Variants in CAMSAP3 observed in about 807,000 individuals in gnomAD.
CAMSAP3 encodes calmodulin-regulated spectrin-associated protein 3.
In CAMSAP3, 34 loss-of-function variants were observed where a neutral mutation model predicts 112.5. The observed-to-expected ratio is 0.30, with a 90% CI of 0.23 to 0.40. CAMSAP3 has a LOEUF of 0.40. CAMSAP3 is among the 10% of genes least tolerant of loss of function. The pLI, the probability that CAMSAP3 is intolerant of heterozygous loss-of-function variation, is 1.00. For missense variants in CAMSAP3, 1,602 were observed against 1,770.3 expected (o/e 0.90, Z 1.71); for synonymous variants, 868 against 799.8 (o/e 1.09, Z -1.44).
chr19:7,606,156 A>ACACCCCCCC, intron 2 of CAMSAP3, 115 bp from the exon 3 acceptor site: 1 of 224,848 alleles, frequency 4.4e-6, no homozygotes, highest in Non-Finnish European at 8.5e-6. Context: ...CTCAAGCCCC[A>ACACCCCCCC]CCCCCCCCGT....
At position 7,601,760 on chromosome 19, in the gene CAMSAP3, T is replaced by A. The variant is rs1395233364; in HGVS notation, c.149-3466T>A. On this transcript the variant is annotated intron_variant, in intron 1 of 16. Coordinates refer to ENST00000160298, the MANE Select transcript of CAMSAP3 (RefSeq NM_020902.2). Reference sequence around the variant, plus strand: ...AATAAAATAAAATAAAATAAATGAATAAATAAAATAAAAAGAAAGTGGGGC... The same window carrying A: ...AATAAAATAAAATAAAATAAATGAAAAAATAAAATAAAAAGAAAGTGGGGC... Among the ~76,000 whole-genome samples, 585 of 122,900 alleles carry A rather than the reference T, an allele frequency of 4.8e-3. 4 individuals are homozygous for A. The highest frequency in any genetic ancestry group is 0.018 in the African/African-American group (546 of 29,574). 80.6% of individuals were successfully genotyped at this position (122,900 alleles called of 152,430 possible).
chr19:7,596,475 C>A (rs890260509), intron 1 of CAMSAP3, among the ~76,000 whole-genome samples: 11 of 152,168 alleles, frequency 7.2e-5, no homozygotes, highest in African/African-American at 2.6e-4. Flanking sequence ...GTGCGGACCT[C>A]TCGTTCCCGC....
At position 7,617,478 on chromosome 19, in the gene CAMSAP3, C is replaced by A. The variant is rs778639901; in HGVS notation, c.3325+40C>A. ...TGGGTGATGTGAGGAGCAACAGGCA[C>A]CCTCCTCCACAGCCCCTGCTCATTC... On this transcript the variant is annotated intron_variant, in intron 15 of 16. Transcript: ENST00000160298. The surrounding 1 kb of genome is among the most constrained non-coding windows in gnomAD (Gnocchi z 7.5). 6.2e-7 allele frequency: 1 copy of A among 1,604,424 alleles called. No homozygotes were observed. Among genetic ancestry groups the A allele is most frequent in the Admixed American group, 1.7e-5 (1 of 60,002 alleles).
At position 7,595,900 on chromosome 19, in the gene CAMSAP3, C is replaced by CAGCGGCGGT. The variant is rs956833495; in HGVS notation, c.-99_-91dup. ...GCAGCGGCGGCGGCGGCGGCGGCGGCAGCGGCGGTAGCAGCAGCGGGCCCG... is the reference window on the plus strand; with the variant it reads ...GCAGCGGCGGCGGCGGCGGCGGCGGCAGCGGCGGTAGCGGCGGTAGCAGCAGCGGGCCCG... On this transcript the variant is annotated 5_prime_UTR_variant, in exon 1 of 17. Coordinates refer to ENST00000160298, the MANE Select transcript of CAMSAP3 (RefSeq NM_020902.2). The CAGCGGCGGT allele has an allele frequency of 1.4e-4, 70 of 500,980 alleles. No homozygotes were observed. The highest frequency in any genetic ancestry group is 3.2e-4 in the South Asian group (4 of 12,500). The allele number at this position is 500,980 out of a possible 1,614,324, so 31.0% of individuals were successfully genotyped here. A position where few individuals can be genotyped will look rare whatever the true frequency, so the allele number is the denominator to read the frequency against.
rs1379147319 is a variant in CAMSAP3, at chr19:7,611,845, C to T, written c.1352C>T (p.Pro451Leu). The part of the protein sequence containing the change: ...APARTPTQPP[P>L]EPGDLPTIEE... ...GCCAGGACCCCCACCCAGCCACCCCCGGAGCCTGGTGACCTGCCCACCATC... is the reference window on the plus strand; with the variant it reads ...GCCAGGACCCCCACCCAGCCACCCCTGGAGCCTGGTGACCTGCCCACCATC... Residue 451 changes from proline to leucine, a missense_variant, in exon 11 of 17, where the codon CCG becomes CTG. Pro to Leu is a moderately conservative substitution (Grantham distance 98, BLOSUM62 -3). This residue lies in a region of CAMSAP3 where 1,100 missense variants were observed against 1,135.7 expected (regional missense o/e 0.97). Coordinates refer to ENST00000160298, the MANE Select transcript of CAMSAP3 (RefSeq NM_020902.2). This position sits in a 1 kb window ranked among gnomAD's most constrained non-coding sequence, Gnocchi z 6.9. 5 of 1,573,158 alleles carry T rather than the reference C, an allele frequency of 3.2e-6. No homozygotes were observed. Among genetic ancestry groups the T allele is most frequent in the Admixed American group, 1.8e-5 (1 of 55,264 alleles).
Position 7,608,275 on chromosome 19 carries a change from GGATGTGGAACA to G in CAMSAP3, c.760+15_760+25del. On this transcript the variant is annotated intron_variant, in intron 5 of 16. Transcript: ENST00000160298. ...TGCTTCGACTTGAGGGTGAGTAAAT[GGATGTGGAACA>G]GATCTTGTGCCGGGGAGCTGGGCAT... The G allele has an allele frequency of 6.2e-7, 1 of 1,609,746 alleles. No homozygotes were observed. The highest frequency in any genetic ancestry group is 1.1e-5 in the South Asian group (1 of 90,928).
chr19:7,602,455 G>T (rs1210807061), intron 1 of CAMSAP3, among the ~76,000 whole-genome samples: 1 of 152,202 alleles, frequency 6.6e-6, no homozygotes, highest in Non-Finnish European at 1.5e-5. Context: ...GTGTGATTTT[G>T]CTGGTGGGAG....
intron 1 of CAMSAP3, among the ~76,000 whole-genome samples, chr19:7,596,723 C>T (rs1008730656): frequency 2.7e-5 from 4 of 148,122 alleles, no homozygotes; most frequent in African/African-American, 7.5e-5. Context: ...GCTCTGGGAA[C>T]CCCCTTTCGC....
chr19:7,604,637 C>T (rs1056560483), intron 1 of CAMSAP3, among the ~76,000 whole-genome samples: 1 of 151,822 alleles, frequency 6.6e-6, no homozygotes, highest in Non-Finnish European at 1.5e-5. Flanking sequence ...GTGCCCCCCA[C>T]TCATCCCCCC....
chr19:7,616,380 G>T, intron 13 of CAMSAP3, 143 bp from the exon 14 acceptor site: 1 of 629,238 alleles, frequency 1.6e-6, no homozygotes, highest in South Asian at 1.7e-5. Context: ...TCATAGAGGG[G>T]TCCCCCCATA....
chr19:7,613,039 G>A lies in CAMSAP3; in HGVS notation c.2546G>A (p.Gly849Asp), dbSNP rs2030593062. 1.3e-6 allele frequency: 2 copies of A among 1,552,496 alleles called. No individual in the cohort carries two copies. Among genetic ancestry groups the A allele is most frequent in the South Asian group, 1.2e-5 (1 of 84,670 alleles). ...CCGGGCCTCATCGAGATCCCGCTGG[G>A]CAGCCTGGCAGATCCCGCCGCCGAG... Reference protein sequence around the residue: ...ARPGLIEIPLGSLADPAAEDE... With the variant: ...ARPGLIEIPLDSLADPAAEDE... Residue 849 changes from glycine to aspartate, a missense_variant, in exon 11 of 17, where the codon GGC becomes GAC. Coordinates refer to ENST00000160298, the MANE Select transcript of CAMSAP3 (RefSeq NM_020902.2).
chr19:7,606,997 C>A (rs970737192), intron 4 of CAMSAP3, among the ~76,000 whole-genome samples: 1 of 151,656 alleles, frequency 6.6e-6, no homozygotes, highest in Admixed American at 6.6e-5. Context: ...GGTAGAATCT[C>A]GGCCATTAAC....
intron 4 of CAMSAP3, chr19:7,606,826 G>C: frequency 6.2e-7 from 1 of 1,613,536 alleles, no homozygotes; most frequent in South Asian, 1.1e-5. Context: ...GGGGCTGTCT[G>C]TCCGCCCCGT....
At chr19:7,602,899 G>A (rs2030032432) in intron 1 of CAMSAP3, among the ~76,000 whole-genome samples, 1 of 151,366 alleles carries the variant, frequency 6.6e-6, no homozygotes, top group Non-Finnish European at 1.5e-5. Context: ...AGCCATGAGG[G>A]CAGCATCGAG....
chr19:7,615,386 C>T lies in CAMSAP3; in HGVS notation c.2811-32C>T. On this transcript the variant is annotated intron_variant, in intron 12 of 16. Transcript: ENST00000160298. The surrounding 1 kb of genome is among the most constrained non-coding windows in gnomAD (Gnocchi z 6.5). ...TGTCTGCCACCGCGGACCCCGTGAG[C>T]GGTTCTGATGCCGATTCCCTGTGAT... The T allele has an allele frequency of 1.3e-6, 2 of 1,536,290 alleles. No homozygotes were observed. Among genetic ancestry groups the T allele is most frequent in the Non-Finnish European group, 1.8e-6 (2 of 1,141,136 alleles).
chr19:7,612,040 C>T lies in CAMSAP3; in HGVS notation c.1547C>T (p.Ala516Val). ...SKPLSDRPTK[A>V]PVYMPHPETP... ...CCACTGTCCGACAGGCCCACCAAAG[C>T]ACCAGTGTACATGCCACACCCCGAG... is the stretch of plus-strand genomic sequence containing the variant. Residue 516 changes from alanine to valine, a missense_variant, in exon 11 of 17, where the codon GCA becomes GTA. This residue lies in a region of CAMSAP3 where 1,100 missense variants were observed against 1,135.7 expected (regional missense o/e 0.97). Coordinates refer to ENST00000160298, the MANE Select transcript of CAMSAP3 (RefSeq NM_020902.2). 6.2e-7 allele frequency: 1 copy of T among 1,612,934 alleles called. No homozygotes were observed. Among genetic ancestry groups the T allele is most frequent in the Non-Finnish European group, 8.5e-7 (1 of 1,179,782 alleles).
At position 7,610,606 on chromosome 19, in the gene CAMSAP3, G is replaced by A. The variant is rs368708110; in HGVS notation, c.891G>A (p.Pro297=). 21 of 1,613,378 alleles carry A rather than the reference G, an allele frequency of 1.3e-5. No homozygotes were observed. Among genetic ancestry groups the A allele is most frequent in the African/African-American group, 1.2e-4 (9 of 74,930 alleles). The change falls in exon 6 of 17, where the codon CCG becomes CCA. Residue 297 remains proline (P), a synonymous_variant. Transcript: ENST00000160298. This position sits in a 1 kb window ranked among gnomAD's most constrained non-coding sequence, Gnocchi z 4.9. ...LSLEDLLYVP[P]PLKVNLVVML... Reference sequence around the variant, plus strand: ...TTGAGGACTTGCTGTACGTCCCACCGCCACTCAAGGTAAGGCCATCCTGGG... The same window carrying A: ...TTGAGGACTTGCTGTACGTCCCACCACCACTCAAGGTAAGGCCATCCTGGG...
chr19:7,610,443 A>G lies in CAMSAP3; in HGVS notation c.761-33A>G. 6.3e-7 allele frequency: 1 copy of G among 1,579,906 alleles called. No individual in the cohort carries two copies. The highest frequency in any genetic ancestry group is 8.6e-7 in the Non-Finnish European group (1 of 1,162,570). On this transcript the variant is annotated intron_variant, in intron 5 of 16. Coordinates refer to ENST00000160298, the MANE Select transcript of CAMSAP3 (RefSeq NM_020902.2). This position sits in a 1 kb window ranked among gnomAD's most constrained non-coding sequence, Gnocchi z 4.9. ...CCTGGGGCCCCATCCTCCTCCTCATAGAGTTGGGGACCCACTCCTCCTGTC... is the reference window on the plus strand; with the variant it reads ...CCTGGGGCCCCATCCTCCTCCTCATGGAGTTGGGGACCCACTCCTCCTGTC...
Position 7,617,293 on chromosome 19 carries a change from C to A in CAMSAP3, c.3213-33C>A, listed in dbSNP as rs1455490179. 14 of 1,497,344 alleles carry A rather than the reference C, an allele frequency of 9.3e-6. No individual in the cohort carries two copies. In the African/African-American group the frequency reaches 1.7e-4, roughly 18 times the overall value. The allele number at this position is 1,497,344 out of a possible 1,614,324, so 92.8% of individuals were successfully genotyped here. On this transcript the variant is annotated intron_variant, in intron 14 of 16. Transcript: ENST00000160298. The surrounding 1 kb of genome is among the most constrained non-coding windows in gnomAD (Gnocchi z 7.5). ...TGACCCCACCTCCATCCCATCCTGA[C>A]CCCACCTCCATCCCATCCTTCTCCC...
Sources: gnomAD v4.1 joint callset for allele counts (sites outside exome capture counted in the v4.1 genomes callset) on GRCh38, gnomAD v4.1.1 for gene constraint, gnomAD v4.1.1 regional missense constraint, Gnocchi (gnomAD v3.1) non-coding constraint, MANE v1.5 for transcripts, NCBI Gene and HGNC (gene_info 2026-07-23, HGNC 2026-07-21) for gene names.